ZNF469: variants seen among roughly 807,000 people sequenced by gnomAD.
ZNF469 encodes zinc finger protein 469.
Under a neutral mutation model 1.0 loss-of-function variants are expected in ZNF469, and 1 was observed. That is an observed-to-expected ratio of 1.00 (90% confidence interval 0.35 to 4.73). The LOEUF (loss-of-function observed/expected upper bound fraction) is 4.73. Ranked by LOEUF, ZNF469 falls within the 30% of genes most tolerant of loss-of-function variation. The pLI is 0.16. For synonymous variants in ZNF469, 2,703 were observed against 2,363.4 expected (o/e 1.14, Z -4.17); for missense variants, 6,100 against 5,356.3 (o/e 1.14, Z -4.33).
the ZNF469 span, among the ~76,000 whole-genome samples, chr16:88,119,840 A>T: frequency 6.6e-6 from 1 of 152,128 alleles, no homozygotes; most frequent in African/African-American, 2.4e-5. Flanking sequence ...GGGGTTAGGG[A>T]AGAGATGGGG....
the ZNF469 span, among the ~76,000 whole-genome samples, chr16:88,167,773 C>T: frequency 6.6e-6 from 1 of 152,240 alleles, no homozygotes. Flanking sequence ...CAAGCCCCCT[C>T]CCCTGGTTGC....
the ZNF469 span, among the ~76,000 whole-genome samples, chr16:88,108,524 G>A: frequency 1.5e-3 from 223 of 152,322 alleles, no homozygotes; most frequent in Middle Eastern, 0.024. Context: ...TGGTGAAGGG[G>A]ACTTCTGGGG....
chr16:88,326,715 G>A, the ZNF469 span, among the ~76,000 whole-genome samples: 7 of 152,124 alleles, frequency 4.6e-5, no homozygotes, highest in East Asian at 1.9e-4. Context: ...TGGGACCCCC[G>A]CTGTGAAAGC....
At chr16:88,119,616 TGGGGTGGAGACACA>T in the ZNF469 span, among the ~76,000 whole-genome samples, 1 of 152,088 alleles carries the variant, frequency 6.6e-6, no homozygotes, top group African/African-American at 2.4e-5. Flanking sequence ...ACGCAGAGGA[TGGGGTGGAGACACA>T]GGTGCCGGAA....
the ZNF469 span, among the ~76,000 whole-genome samples, chr16:88,340,226 A>C: frequency 6.6e-6 from 1 of 152,026 alleles, no homozygotes; most frequent in Non-Finnish European, 1.5e-5. Context: ...CCTGCAGAGC[A>C]GGGGGAGCCT....
the ZNF469 span, among the ~76,000 whole-genome samples, chr16:88,236,287 C>G: frequency 6.6e-6 from 1 of 152,220 alleles, no homozygotes; most frequent in Admixed American, 6.5e-5. Context: ...AAAATTATGT[C>G]AAACACTCTA....
chr16:88,186,128 G>C, the ZNF469 span, among the ~76,000 whole-genome samples: 9 of 152,332 alleles, frequency 5.9e-5, no homozygotes, highest in African/African-American at 1.9e-4. Flanking sequence ...TTTGTGGTCC[G>C]TCTTCCTGTG....
chr16:88,166,677 G>A, the ZNF469 span, among the ~76,000 whole-genome samples: 106 of 152,030 alleles, frequency 7.0e-4, 1 homozygote, highest in African/African-American at 2.2e-3. This position sits in a 1 kb window ranked among gnomAD's most constrained non-coding sequence, Gnocchi z 4.5. Flanking sequence ...CATCGATAGC[G>A]CCACTGGGTG....
the ZNF469 span, among the ~76,000 whole-genome samples, chr16:88,238,321 G>C: frequency 2.6e-5 from 4 of 152,314 alleles, no homozygotes; most frequent in African/African-American, 9.6e-5. Context: ...CGGGTGGAGA[G>C]CCGCACAAGT....
At chr16:88,420,502 T>G (rs1383592132) in intron 1 of ZNF469, among the ~76,000 whole-genome samples, 1 of 152,180 alleles carries the variant, frequency 6.6e-6, no homozygotes, top group Non-Finnish European at 1.5e-5. Flanking sequence ...ACAGTGGCAC[T>G]CCAGTTGGGC....
chr16:88,215,441 G>C, the ZNF469 span, among the ~76,000 whole-genome samples: 5 of 133,182 alleles, frequency 3.8e-5, no homozygotes, highest in East Asian at 1.1e-3. Context: ...CCAGGCTGGA[G>C]TGCAGTGGCA....
chr16:88,427,530 C>A lies in ZNF469; in HGVS notation c.60C>A (p.Pro20=), dbSNP rs1318176936. 1.2e-5 allele frequency: 18 copies of A among 1,535,732 alleles called. No individual in the cohort carries two copies. Among genetic ancestry groups the A allele is most frequent in the Non-Finnish European group, 1.6e-5 (18 of 1,145,660 alleles). The part of the protein sequence containing the change: ...PPPTMTGDLQ[P]RQVASSPGHP... ...CCACCATGACTGGAGACCTGCAGCC[C>A]CGCCAAGTTGCCAGCAGCCCGGGGC... Residue 20 remains proline, a synonymous_variant, in exon 3 of 3, where the codon CCC becomes CCA. Transcript: ENST00000565624.
At chr16:88,401,316 T>C (rs1204600038) in intron 1 of ZNF469, among the ~76,000 whole-genome samples, 1 of 152,192 alleles carries the variant, frequency 6.6e-6, no homozygotes, top group Non-Finnish European at 1.5e-5. Context: ...TGGGGGACAG[T>C]ACGGCAGTGG....
chr16:88,208,107 T>C, the ZNF469 span, among the ~76,000 whole-genome samples: 1 of 152,044 alleles, frequency 6.6e-6, no homozygotes, highest in Non-Finnish European at 1.5e-5. Flanking sequence ...CTCGTGGCTT[T>C]TTAAAGATTT....
the ZNF469 span, among the ~76,000 whole-genome samples, chr16:88,104,367 A>G: frequency 6.6e-6 from 1 of 152,106 alleles, no homozygotes; most frequent in African/African-American, 2.4e-5. Flanking sequence ...CACAACCACT[A>G]TCAACTTGGA....
At chr16:88,276,643 T>C in the ZNF469 span, 3 of 152,256 alleles carry the variant, frequency 2.0e-5, no homozygotes, top group East Asian at 5.8e-4. Flanking sequence ...TTCCTTATGT[T>C]TATTGTCACG....
chr16:88,314,185 T>G, the ZNF469 span, among the ~76,000 whole-genome samples: 45 of 126,172 alleles, frequency 3.6e-4, 2 homozygotes, highest in African/African-American at 1.2e-3. Flanking sequence ...TGGACTGTCA[T>G]CTCTGTAATT....
chr16:88,298,034 C>A, the ZNF469 span, among the ~76,000 whole-genome samples: 100,953 of 152,030 alleles, frequency 0.66, 33,806 homozygotes, highest in East Asian at 0.93. Flanking sequence ...AGGTCTTGTC[C>A]CCAGAAATCA....
the ZNF469 span, among the ~76,000 whole-genome samples, chr16:88,358,890 A>G: frequency 1.3e-5 from 2 of 151,784 alleles, no homozygotes; most frequent in South Asian, 4.2e-4. Flanking sequence ...GGCTAGCCTC[A>G]CCTTTTCTTG....
Sources: allele counts gnomAD v4.1 joint callset (sites outside exome capture counted in the v4.1 genomes callset), GRCh38; gene constraint gnomAD v4.1.1; non-coding constraint Gnocchi (gnomAD v3.1); transcripts MANE v1.5; gene names NCBI Gene and HGNC (gene_info 2026-07-23, HGNC 2026-07-21).